Variants in RIMKLB observed in about 807,000 individuals in gnomAD.
RIMKLB encodes ribosomal modification protein rimK like family member B.
In RIMKLB, 7 loss-of-function variants were observed where a neutral mutation model predicts 32.0. That is an observed-to-expected ratio of 0.22 (90% CI 0.12 to 0.41). The LOEUF (loss-of-function observed/expected upper bound fraction) is 0.41. Among genes scored for constraint, RIMKLB ranks in the 10% least tolerant of loss-of-function variants. The probability of loss-of-function intolerance (pLI) is 1.00; values close to 1 mark genes in which losing one functional copy is unlikely to be tolerated. For missense variants in RIMKLB, 289 were observed against 498.7 expected (o/e 0.58, Z 4.00); for synonymous variants, 172 against 185.1 (o/e 0.93, Z 0.57).
chr12:8,771,537 T>C (rs1592016051), intron 5 of RIMKLB, among the ~76,000 whole-genome samples: 1 of 152,196 alleles, frequency 6.6e-6, no homozygotes, highest in Middle Eastern at 3.2e-3. Context: ...AGAATAATAC[T>C]TTGTCTGAGA....
At chr12:8,710,085 C>G (rs928930918) in intron 1 of RIMKLB, among the ~76,000 whole-genome samples, 1 of 151,948 alleles carries the variant, frequency 6.6e-6, no homozygotes, top group African/African-American at 2.4e-5. Context: ...TTCCCAGATT[C>G]AAGTGATTCT....
chr12:8,744,146 T>G (rs1452457322), intron 2 of RIMKLB, among the ~76,000 whole-genome samples: 2 of 151,984 alleles, frequency 1.3e-5, no homozygotes, highest in African/African-American at 4.9e-5. Flanking sequence ...TGATATTTGG[T>G]GAGTGCTCAA....
At chr12:8,747,912 C>T (rs1948242437) in intron 2 of RIMKLB, among the ~76,000 whole-genome samples, 1 of 152,020 alleles carries the variant, frequency 6.6e-6, no homozygotes, top group Non-Finnish European at 1.5e-5. Context: ...TGCACCACCA[C>T]ACCTGGCTAA....
chr12:8,755,129 T>G (rs1050921529), intron 5 of RIMKLB, among the ~76,000 whole-genome samples: 3 of 152,194 alleles, frequency 2.0e-5, no homozygotes, highest in African/African-American at 7.2e-5. Context: ...TTTTTTTATT[T>G]TTAGTAAAGA....
chr12:8,696,795 G>T (rs1224707734), upstream of RIMKLB, among the ~76,000 whole-genome samples: 1 of 152,212 alleles, frequency 6.6e-6, no homozygotes, highest in African/African-American at 2.4e-5. Context: ...TCAATTGACT[G>T]GGAGAGGAGC....
At chr12:8,748,518 T>TTG in intron 2 of RIMKLB, among the ~76,000 whole-genome samples, 1 of 80,974 alleles carries the variant, frequency 1.2e-5, no homozygotes, top group Non-Finnish European at 2.7e-5. Flanking sequence ...GTGGGATTAT[T>TTG]CGTGTGTGTG....
intron 1 of RIMKLB, among the ~76,000 whole-genome samples, chr12:8,698,539 T>G (rs1943068366): frequency 1.3e-5 from 2 of 151,620 alleles, no homozygotes; most frequent in African/African-American, 4.8e-5. Context: ...CGCCGGCCCG[T>G]GGCGTGTGCG....
chr12:8,697,709 CCT>C (rs910058417), upstream of RIMKLB: 2 of 284,614 alleles, frequency 7.0e-6, no homozygotes, highest in African/African-American at 4.6e-5. Context: ...CGATCCATCG[CCT>C]CTCTTCCCCC....
At chr12:8,705,534 A>G (rs942716739) in intron 1 of RIMKLB, among the ~76,000 whole-genome samples, 3 of 151,960 alleles carry the variant, frequency 2.0e-5, no homozygotes, top group Non-Finnish European at 2.9e-5. Flanking sequence ...AGTTAGAATT[A>G]GCTTTTTGTA....
In RIMKLB at chr12:8,756,709, T is replaced by C. The variant is rs370442961; in HGVS notation, c.697+2616T>C. On this transcript the variant is annotated intron_variant, in intron 5 of 5. Coordinates refer to ENST00000535829, the MANE Select transcript of RIMKLB (RefSeq NM_001297776.2). ...CTTTTTTTTTTTTTTTTTTTTTTTT[T>C]CTGATGGAGTCTTGCTCTGCCACCC... Among the ~76,000 whole-genome samples the C allele has an allele frequency of 7.6e-4, 87 of 114,452 alleles. 2 individuals carry two copies. The highest frequency in any genetic ancestry group is 2.2e-3 in the African/African-American group (65 of 29,828). The allele number at this position is 114,452 out of a possible 152,430, so 75.1% of individuals were successfully genotyped here. A position where few individuals can be genotyped will look rare whatever the true frequency, so the allele number is the denominator to read the frequency against.
At chr12:8,694,141 G>A (rs1395330647), upstream of RIMKLB, among the ~76,000 whole-genome samples, 6 of 151,942 alleles carry the variant, frequency 3.9e-5, no homozygotes, top group Admixed American at 6.6e-5. Context: ...GCTGAGGCAG[G>A]AGAATCACTT....
At chr12:8,767,516 A>G (rs138332082) in intron 5 of RIMKLB, among the ~76,000 whole-genome samples, 1 of 152,302 alleles carries the variant, frequency 6.6e-6, no homozygotes, top group Non-Finnish European at 1.5e-5. Context: ...ATTCAGAGGT[A>G]AGGAGAATTT....
At chr12:8,712,059 T>A (rs1944421253) in intron 1 of RIMKLB, among the ~76,000 whole-genome samples, 1 of 152,226 alleles carries the variant, frequency 6.6e-6, no homozygotes, top group Non-Finnish European at 1.5e-5. Flanking sequence ...AGAAACACTC[T>A]GTTTAAGGAG....
rs964441782 is a variant in RIMKLB, at chr12:8,745,469, A to C, written c.176-4393A>C. 1.3e-4 allele frequency among the ~76,000 whole-genome samples: 20 copies of C among 151,542 alleles called. 2 individuals are homozygous for C. The highest frequency in any genetic ancestry group is 4.6e-4 in the African/African-American group (19 of 41,010). The stretch of plus-strand genomic sequence containing the variant: ...GAATGCAATGGCAGGATCTTGGCTC[A>C]CCGCAACCTCCGCCTCCCTGGTTCA... On this transcript the variant is annotated intron_variant, in intron 2 of 5. Coordinates refer to ENST00000535829, the MANE Select transcript of RIMKLB (RefSeq NM_001297776.2).
At chr12:8,751,663 G>A (rs988840640) in intron 3 of RIMKLB, among the ~76,000 whole-genome samples, 1 of 152,046 alleles carries the variant, frequency 6.6e-6, no homozygotes, top group Admixed American at 6.6e-5. Context: ...TATTTGTGTG[G>A]GAGAATAATA....
At chr12:8,748,573 C>T (rs1217131682) in intron 2 of RIMKLB, among the ~76,000 whole-genome samples, 5 of 119,240 alleles carry the variant, frequency 4.2e-5, no homozygotes, top group Admixed American at 1.7e-4. Context: ...TATATATATA[C>T]ACAAAATTTA....
intron 2 of RIMKLB, among the ~76,000 whole-genome samples, chr12:8,746,537 G>A (rs891612197): frequency 2.0e-5 from 3 of 149,996 alleles, no homozygotes; most frequent in Admixed American, 1.3e-4. Context: ...GGCAGAGGTT[G>A]CAGTGAGCCA....
upstream of RIMKLB, among the ~76,000 whole-genome samples, chr12:8,695,298 T>C (rs1942855166): frequency 6.6e-6 from 1 of 151,438 alleles, no homozygotes; most frequent in Admixed American, 6.6e-5. Flanking sequence ...AAAAACTACT[T>C]AAAATATTTT....
chr12:8,674,240 CT>C, the RIMKLB span, among the ~76,000 whole-genome samples: 2,382 of 124,388 alleles, frequency 0.019, 37 homozygotes, highest in African/African-American at 0.066. Context: ...TTTTTTTTTC[CT>C]TTTTTTTTTT....
Sources: gnomAD v4.1 joint callset for allele counts (sites outside exome capture counted in the v4.1 genomes callset) on GRCh38, gnomAD v4.1.1 for gene constraint, MANE v1.5 for transcripts, NCBI Gene and HGNC (gene_info 2026-07-23, HGNC 2026-07-21) for gene names.